The following CEP112 variants were observed in gnomAD, a reference collection of about 807,000 sequenced individuals.
CEP112 encodes centrosomal protein of 112 kDa.
In CEP112, 127 loss-of-function variants were observed where a neutral mutation model predicts 153.0. The observed-to-expected ratio is 0.83, with a 90% CI of 0.72 to 0.96. The LOEUF (loss-of-function observed/expected upper bound fraction) is 0.96. Among genes scored for constraint, CEP112 ranks in the 40% least tolerant of loss-of-function variants. CEP112 has a pLI of 0.00. For missense variants in CEP112, 1,089 were observed against 1,101.2 expected, an observed-to-expected ratio of 0.99 and a Z score of 0.16; for synonymous variants, 358 against 374.4, an observed-to-expected ratio of 0.96 and a Z score of 0.51.
chr17:65,797,574 C>T (rs896397134), intron 21 of CEP112, among the ~76,000 whole-genome samples: 1 of 152,152 alleles, frequency 6.6e-6, no homozygotes, highest in African/African-American at 2.4e-5. Context: ...CCTGTATGAC[C>T]TTGACTCCAA....
intron 18 of CEP112, among the ~76,000 whole-genome samples, chr17:65,957,431 C>A (rs550141076): frequency 4.4e-4 from 67 of 152,110 alleles, no homozygotes; most frequent in African/African-American, 1.6e-3. Context: ...AGTACTCTTG[C>A]CTTTAGCATG....
chr17:66,062,227 A>G (rs999702919), intron 11 of CEP112, among the ~76,000 whole-genome samples: 4 of 152,102 alleles, frequency 2.6e-5, no homozygotes, highest in African/African-American at 9.7e-5. Context: ...ATAGTGGACA[A>G]TGGACACTAA....
chr17:66,054,058 C>T (rs2066570565), intron 11 of CEP112, among the ~76,000 whole-genome samples, 179 bp from the exon 12 acceptor site: 1 of 152,112 alleles, frequency 6.6e-6, no homozygotes, highest in Non-Finnish European at 1.5e-5. Context: ...AAAGCAGGAT[C>T]AAGAAACACT....
intron 21 of CEP112, among the ~76,000 whole-genome samples, chr17:65,784,181 G>C (rs1472448245): frequency 6.6e-6 from 1 of 152,200 alleles, no homozygotes; most frequent in East Asian, 1.9e-4. Context: ...GAATTTGGTA[G>C]ACTGAAATCC....
chr17:66,088,551 A>G (rs1000240570), intron 8 of CEP112, among the ~76,000 whole-genome samples: 7 of 151,966 alleles, frequency 4.6e-5, no homozygotes, highest in African/African-American at 1.7e-4. Flanking sequence ...GGCTCCAAGC[A>G]TAACGCAGGA....
At chr17:65,989,888 T>C (rs1308461620) in intron 17 of CEP112, among the ~76,000 whole-genome samples, 2 of 152,184 alleles carry the variant, frequency 1.3e-5, no homozygotes, top group Non-Finnish European at 2.9e-5. Context: ...AGAGATAAAG[T>C]ATGTAAGTTT....
chr17:65,857,293 G>A (rs1032785910), intron 20 of CEP112, among the ~76,000 whole-genome samples: 8 of 152,160 alleles, frequency 5.3e-5, no homozygotes, highest in African/African-American at 1.7e-4. Flanking sequence ...AAGGTGGGTT[G>A]GACAAGCTTG....
chr17:66,038,599 CTA>C (rs1685969237), intron 12 of CEP112, among the ~76,000 whole-genome samples: 2 of 152,140 alleles, frequency 1.3e-5, no homozygotes, highest in South Asian at 2.1e-4. Flanking sequence ...TGATGTAGAA[CTA>C]TGTTTTGCCG....
rs1394894041 is a variant in CEP112, at chr17:66,053,719, C to G, written c.1218+17G>C. ...AAGACAGGTTCTAAGATGTCAAGAA[C>G]AGGTTTAAAGACTCACTGTGGACTG... is the stretch of plus-strand genomic sequence containing the variant. On this transcript the variant is annotated intron_variant, in intron 12 of 26. Coordinates refer to ENST00000535342, the MANE Select transcript of CEP112 (RefSeq NM_001199165.4). 6.3e-7 allele frequency: 1 copy of G among 1,599,928 alleles called. No individual in the cohort carries two copies. Among genetic ancestry groups the G allele is most frequent in the South Asian group, 1.1e-5 (1 of 88,134 alleles).
intron 23 of CEP112, 95 bp downstream of exon 23, chr17:65,742,973 T>C (rs1455582535): frequency 2.1e-6 from 2 of 946,748 alleles, no homozygotes; most frequent in African/African-American, 1.7e-5. Flanking sequence ...ACAAGCCAGA[T>C]ACCCGCATTC....
chr17:65,970,016 C>G (rs972898000), intron 17 of CEP112, among the ~76,000 whole-genome samples: 6 of 152,188 alleles, frequency 3.9e-5, no homozygotes, highest in South Asian at 2.1e-4. Context: ...ATGTGTATTG[C>G]GAACATGCAC....
At chr17:65,970,456 GCA>G (rs1568314490) in intron 17 of CEP112, among the ~76,000 whole-genome samples, 1 of 93,346 alleles carries the variant, frequency 1.1e-5, no homozygotes, top group Non-Finnish European at 2.2e-5. Context: ...TATATTACAT[GCA>G]TGCACACATG....
intron 23 of CEP112, among the ~76,000 whole-genome samples, chr17:65,706,385 T>G (rs1327972233): frequency 6.6e-6 from 1 of 152,108 alleles, no homozygotes; most frequent in African/African-American, 2.4e-5. Flanking sequence ...CTGGAATATG[T>G]GAAGGGGAGG....
At chr17:65,639,940 T>C (rs2045018080) in intron 25 of CEP112, among the ~76,000 whole-genome samples, 2 of 143,998 alleles carry the variant, frequency 1.4e-5, no homozygotes, top group South Asian at 2.2e-4. Context: ...CAAGTTCAAG[T>C]GATTCTCCTG....
At chr17:65,991,867 A>G (rs565636159) in intron 17 of CEP112, among the ~76,000 whole-genome samples, 8 of 152,240 alleles carry the variant, frequency 5.3e-5, no homozygotes, top group Admixed American at 1.3e-4. Flanking sequence ...ATTCAGATTT[A>G]TACTATTCAG....
chr17:65,651,663 CTCCT>C lies in CEP112; in HGVS notation c.2698-10602_2698-10599del, dbSNP rs145259314. On this transcript the variant is annotated intron_variant, in intron 24 of 26. Coordinates refer to ENST00000535342, the MANE Select transcript of CEP112 (RefSeq NM_001199165.4). ...TTCCTCTCTTTCTTTCTCTTTCTTT[CTCCT>C]TCCTTCCTTCCTTCCTTCTTTCCTT... Among the ~76,000 whole-genome samples, 360 of 149,480 alleles carry C rather than the reference CTCCT, an allele frequency of 2.4e-3. 1 individual carries two copies. The highest frequency in any genetic ancestry group is 4.5e-3 in the African/African-American group (185 of 40,688).
intron 24 of CEP112, among the ~76,000 whole-genome samples, chr17:65,683,918 G>C (rs1424080460): frequency 6.6e-6 from 1 of 152,162 alleles, no homozygotes; most frequent in Non-Finnish European, 1.5e-5. Flanking sequence ...GTGGGCGTCT[G>C]TAATCCCAGC....
At chr17:66,109,561 CTAGA>C (rs1247040979) in intron 6 of CEP112, among the ~76,000 whole-genome samples, 4 of 151,612 alleles carry the variant, frequency 2.6e-5, no homozygotes, top group African/African-American at 9.7e-5. Flanking sequence ...TGCATAATTC[CTAGA>C]TAAACTGACA....
intron 20 of CEP112, among the ~76,000 whole-genome samples, chr17:65,853,655 G>C (rs751380997): frequency 4.6e-5 from 7 of 151,690 alleles, no homozygotes; most frequent in Non-Finnish European, 8.8e-5. Flanking sequence ...TTGAACCTGG[G>C]AGGTGGAGGT....
Sources: allele counts gnomAD v4.1 joint callset (sites outside exome capture counted in the v4.1 genomes callset), GRCh38; gene constraint gnomAD v4.1.1; transcripts MANE v1.5; gene names NCBI Gene and HGNC (gene_info 2026-07-23, HGNC 2026-07-21).